Variants in LRMDA observed in about 807,000 individuals in gnomAD.
LRMDA encodes leucine rich melanocyte differentiation associated, also known as leucine-rich melanocyte differentiation-associated protein.
A neutral mutation model predicts 29.8 loss-of-function variants in LRMDA; 18 were observed. That is an observed-to-expected ratio of 0.60 (90% confidence interval 0.42 to 0.90). The LOEUF (loss-of-function observed/expected upper bound fraction) is 0.90, where lower values mean the gene tolerates loss of function less well. Among genes scored for constraint, LRMDA ranks in the 40% least tolerant of loss-of-function variants. LRMDA has a pLI of 0.00. For missense variants in LRMDA, 273 were observed against 273.9 expected (o/e 1.00, Z 0.02); for synonymous variants, 125 against 109.4 (o/e 1.14, Z -0.89).
intron 6 of LRMDA, among the ~76,000 whole-genome samples, chr10:76,363,079 C>A (rs1467059563): frequency 1.4e-5 from 2 of 145,266 alleles, no homozygotes; most frequent in East Asian, 4.0e-4. Flanking sequence ...CTAACATCGA[C>A]CTAGCATTGT....
chr10:75,600,432 A>T (rs1840867995), intron 2 of LRMDA, among the ~76,000 whole-genome samples: 1 of 152,152 alleles, frequency 6.6e-6, no homozygotes, highest in Non-Finnish European at 1.5e-5. Context: ...TGACCTGTGG[A>T]TCAGATACAT....
chr10:75,922,972 G>C (rs1033269557), intron 2 of LRMDA, among the ~76,000 whole-genome samples: 19 of 152,134 alleles, frequency 1.2e-4, no homozygotes, highest in Admixed American at 1.2e-3. Flanking sequence ...ATCTCATTTA[G>C]ACTTTAAAGT....
At chr10:76,135,486 A>G (rs766496526) in intron 5 of LRMDA, among the ~76,000 whole-genome samples, 1 of 152,188 alleles carries the variant, frequency 6.6e-6, no homozygotes, top group Non-Finnish European at 1.5e-5. Flanking sequence ...AAGGTTTGAA[A>G]GCTATTTGTA....
chr10:76,426,632 T>A (rs1228041650), intron 6 of LRMDA, among the ~76,000 whole-genome samples: 1 of 152,230 alleles, frequency 6.6e-6, no homozygotes, highest in African/African-American at 2.4e-5. Flanking sequence ...CAATTTTGGC[T>A]TTTGTTGCCA....
At chr10:76,157,691 C>T (rs945490437) in intron 5 of LRMDA, among the ~76,000 whole-genome samples, 2 of 151,572 alleles carry the variant, frequency 1.3e-5, no homozygotes, top group African/African-American at 4.8e-5. Context: ...TCCAATGACT[C>T]ATTTTTTAGC....
At chr10:75,548,228 T>A (rs1200251173) in intron 2 of LRMDA, among the ~76,000 whole-genome samples, 1 of 152,208 alleles carries the variant, frequency 6.6e-6, no homozygotes, top group Admixed American at 6.5e-5. Flanking sequence ...TTCCAAAGAA[T>A]CTTCTTTAGA....
chr10:76,086,673 G>A (rs1258572038), intron 5 of LRMDA, among the ~76,000 whole-genome samples: 4 of 152,108 alleles, frequency 2.6e-5, no homozygotes, highest in East Asian at 1.9e-4. Flanking sequence ...TTTTACTCTC[G>A]TGGAGGGGCC....
At chr10:76,054,230 T>A (rs996590467) in intron 4 of LRMDA, among the ~76,000 whole-genome samples, 2 of 152,084 alleles carry the variant, frequency 1.3e-5, no homozygotes, top group African/African-American at 4.8e-5. Flanking sequence ...TTGGGGCAAG[T>A]CCTCCTAGTG....
At chr10:76,241,351 T>G (rs941483526) in intron 5 of LRMDA, among the ~76,000 whole-genome samples, 5 of 152,208 alleles carry the variant, frequency 3.3e-5, no homozygotes, top group African/African-American at 1.2e-4. Flanking sequence ...ATTGTAAGGT[T>G]CCCAACCAAC....
intron 5 of LRMDA, among the ~76,000 whole-genome samples, chr10:76,193,791 C>T (rs1309094550): frequency 7.2e-5 from 11 of 152,014 alleles, no homozygotes; most frequent in African/African-American, 2.7e-4. Context: ...GTCAGAGATC[C>T]AAGCAGAAAA....
chr10:75,558,773 C>T (rs1840250727), intron 2 of LRMDA, among the ~76,000 whole-genome samples: 1 of 148,464 alleles, frequency 6.7e-6, no homozygotes. Flanking sequence ...TGAGTGAGAA[C>T]ATGTGGTGTT....
intron 2 of LRMDA, among the ~76,000 whole-genome samples, chr10:75,538,195 G>A (rs1186351059): frequency 1.3e-5 from 2 of 152,138 alleles, no homozygotes; most frequent in Non-Finnish European, 2.9e-5. Flanking sequence ...GCATCGAAGG[G>A]GAGCCAAGAC....
chr10:76,509,252 A>G (rs1234467524), intron 6 of LRMDA, among the ~76,000 whole-genome samples: 2 of 152,142 alleles, frequency 1.3e-5, no homozygotes, highest in Admixed American at 6.5e-5. Context: ...TGTGCATCCA[A>G]TATAGGATAC....
intron 2 of LRMDA, among the ~76,000 whole-genome samples, chr10:75,449,926 G>T (rs1200383629): frequency 1.3e-5 from 2 of 152,026 alleles, no homozygotes; most frequent in African/African-American, 2.4e-5. Flanking sequence ...GGTGCGTGGG[G>T]GTGTGTGTGT....
chr10:76,046,421 C>T (rs368489096), intron 3 of LRMDA, among the ~76,000 whole-genome samples: 19 of 152,192 alleles, frequency 1.2e-4, no homozygotes, highest in African/African-American at 4.3e-4. Context: ...TCTCTAATTC[C>T]CTCACTAACA....
chr10:75,517,139 C>A (rs1845299686), intron 2 of LRMDA, among the ~76,000 whole-genome samples: 2 of 152,060 alleles, frequency 1.3e-5, no homozygotes, highest in African/African-American at 4.8e-5. Context: ...AGCATGATGC[C>A]TCCAGCTTTG....
rs1486661925 is a variant in LRMDA, at chr10:75,785,176, A to G, written c.132-250832A>G. 4.6e-5 allele frequency among the ~76,000 whole-genome samples: 7 copies of G among 152,314 alleles called. No homozygotes were observed. The East Asian group carries it at 1.2e-3, about 25-fold the overall frequency. On this transcript the variant is annotated intron_variant, in intron 2 of 6. Coordinates refer to ENST00000611255, the MANE Select transcript of LRMDA (RefSeq NM_001305581.2). ...CATTTGTTTTCCTCAACTTGCTTTT[A>G]GCTCAGCTGATTGGTTGTATGTGAG... is the stretch of plus-strand genomic sequence containing the variant.
intron 2 of LRMDA, among the ~76,000 whole-genome samples, chr10:75,482,283 A>C (rs1209154327): frequency 5.3e-5 from 8 of 152,074 alleles, no homozygotes; most frequent in Non-Finnish European, 2.9e-5. Context: ...CTGAGACTGG[A>C]CCTCACCATG....
At chr10:76,507,083 T>G (rs1286376007) in intron 6 of LRMDA, among the ~76,000 whole-genome samples, 3 of 152,202 alleles carry the variant, frequency 2.0e-5, no homozygotes, top group Non-Finnish European at 4.4e-5. Flanking sequence ...TTCCCCTTTC[T>G]CTGCATCTTT....
Sources: allele counts gnomAD v4.1 joint callset (sites outside exome capture counted in the v4.1 genomes callset), GRCh38; gene constraint gnomAD v4.1.1; transcripts MANE v1.5; gene names NCBI Gene and HGNC (gene_info 2026-07-23, HGNC 2026-07-21).